The following HMCN1 variants were observed in gnomAD, a reference collection of about 807,000 sequenced individuals.
The protein encoded by HMCN1 is hemicentin 1.
In HMCN1, 321 loss-of-function variants were observed where a neutral mutation model predicts 625.9. The observed-to-expected ratio is 0.51, with a 90% CI of 0.47 to 0.56. The LOEUF (loss-of-function observed/expected upper bound fraction) is 0.56. Among genes scored for constraint, HMCN1 ranks in the 20% least tolerant of loss-of-function variants. The pLI, the probability that HMCN1 is intolerant of heterozygous loss-of-function variation, is 0.00. For synonymous variants in HMCN1, 2,425 were observed against 2,417.6 expected (o/e 1.00, Z -0.09); for missense variants, 6,588 against 6,887.3 (o/e 0.96, Z 1.54).
chr1:186,157,903 G>T (rs533771828), intron 97 of HMCN1, among the ~76,000 whole-genome samples: 3 of 152,058 alleles, frequency 2.0e-5, no homozygotes, highest in African/African-American at 7.2e-5. Context: ...ATAAACATAC[G>T]TGTGCATGTG....
At chr1:185,797,791 C>G (rs1010771133) in intron 1 of HMCN1, among the ~76,000 whole-genome samples, 9 of 139,372 alleles carry the variant, frequency 6.5e-5, no homozygotes, top group Non-Finnish European at 1.2e-4. Flanking sequence ...ACGGTGAAAC[C>G]CCGTCTCTAC....
Position 186,126,005 on chromosome 1 carries a change from G to A in HMCN1, c.12690+211G>A, listed in dbSNP as rs563400446. Among the ~76,000 whole-genome samples the A allele has an allele frequency of 6.6e-5, 10 of 152,030 alleles. No individual in the cohort carries two copies. In the South Asian group the frequency reaches 1.2e-3, roughly 19 times the overall value. On this transcript the variant is annotated intron_variant, in intron 82 of 106. Transcript: ENST00000271588. Reference sequence around the variant, plus strand: ...TAGGAACTCATAAATGCCCTCCTTCGAAAATTATTTTGTGTTTGTGGAAAT... The same window carrying A: ...TAGGAACTCATAAATGCCCTCCTTCAAAAATTATTTTGTGTTTGTGGAAAT...
At chr1:185,886,259 A>G (rs1664644056) in intron 4 of HMCN1, among the ~76,000 whole-genome samples, 1 of 152,066 alleles carries the variant, frequency 6.6e-6, no homozygotes, top group Admixed American at 6.6e-5. Context: ...ACAGAGAAAC[A>G]GAGAGACAGC....
At chr1:185,987,004 G>A (rs919493286) in intron 19 of HMCN1, among the ~76,000 whole-genome samples, 5 of 151,592 alleles carry the variant, frequency 3.3e-5, no homozygotes, top group Non-Finnish European at 7.4e-5. Context: ...ATATGTAGTG[G>A]TTAAACAGCC....
chr1:185,764,438 A>C (rs1655729170), intron 1 of HMCN1, among the ~76,000 whole-genome samples: 1 of 152,150 alleles, frequency 6.6e-6, no homozygotes, highest in East Asian at 1.9e-4. Flanking sequence ...CTATTTTTTT[A>C]GGAAGAGTTG....
At chr1:186,078,929 G>C (rs1658996517) in intron 55 of HMCN1, among the ~76,000 whole-genome samples, 1 of 152,196 alleles carries the variant, frequency 6.6e-6, no homozygotes. Flanking sequence ...TCATGAGAGA[G>C]TTACAAGGAA....
chr1:186,044,557 CTG>C (rs2102247461), intron 40 of HMCN1, among the ~76,000 whole-genome samples: 1 of 152,200 alleles, frequency 6.6e-6, no homozygotes, highest in African/African-American at 2.4e-5. Context: ...AGTATCAAGC[CTG>C]AAACAATGGC....
chr1:186,132,556 G>A (rs1661997822), intron 86 of HMCN1, 147 bp downstream of exon 86: 3 of 695,576 alleles, frequency 4.3e-6, no homozygotes, highest in Non-Finnish European at 7.8e-6. Flanking sequence ...TGATGGAGCA[G>A]TTGTCATCAA....
intron 5 of HMCN1, 82 bp downstream of exon 5, chr1:185,909,590 T>G: frequency 3.4e-6 from 4 of 1,181,368 alleles, no homozygotes; most frequent in Non-Finnish European, 5.0e-6. Flanking sequence ...TTTTGTCAAG[T>G]TAATGCCAAC....
chr1:186,123,350 G>A (rs1571384677), intron 81 of HMCN1, 130 bp downstream of exon 81: 1 of 1,048,242 alleles, frequency 9.5e-7, no homozygotes. Context: ...GTGGGGGTGT[G>A]GTGTGTAGGT....
At chr1:185,751,642 T>C (rs949243783) in intron 1 of HMCN1, among the ~76,000 whole-genome samples, 1 of 152,140 alleles carries the variant, frequency 6.6e-6, no homozygotes, top group Admixed American at 6.6e-5. Context: ...GTATTTTAGA[T>C]CTTCTCATTC....
chr1:185,971,316 A>G (rs1008977525), intron 15 of HMCN1, among the ~76,000 whole-genome samples: 16 of 152,220 alleles, frequency 1.1e-4, no homozygotes, highest in African/African-American at 3.4e-4. Flanking sequence ...ACTACAAAAA[A>G]ATGTCAATCA....
At chr1:186,140,706 T>G (rs576237933) in intron 89 of HMCN1, among the ~76,000 whole-genome samples, 1 of 152,270 alleles carries the variant, frequency 6.6e-6, no homozygotes, top group South Asian at 2.1e-4. Flanking sequence ...TTACTATGAT[T>G]TTTGCAAAAT....
chr1:186,045,990 C>T (rs1363374110), intron 41 of HMCN1, 127 bp downstream of exon 41: 2 of 700,422 alleles, frequency 2.9e-6, no homozygotes, highest in Non-Finnish European at 4.8e-6. Context: ...TTCTAGGAAC[C>T]CTTTTATTGA....
chr1:185,989,415 C>T, intron 20 of HMCN1, 73 bp from the exon 21 acceptor site: 1 of 1,537,950 alleles, frequency 6.5e-7, no homozygotes, highest in Admixed American at 1.7e-5. Context: ...CTCTTCCAGA[C>T]ATTGTCACTC....
chr1:186,041,531 T>A (rs1656206623), intron 40 of HMCN1, among the ~76,000 whole-genome samples: 1 of 152,178 alleles, frequency 6.6e-6, no homozygotes, highest in Admixed American at 6.6e-5. Flanking sequence ...ATCAGCATAT[T>A]TGTGATCAAT....
intron 1 of HMCN1, among the ~76,000 whole-genome samples, chr1:185,778,132 AT>A (rs1204064284): frequency 2.0e-5 from 3 of 152,162 alleles, no homozygotes; most frequent in Admixed American, 2.0e-4. Flanking sequence ...TTCAAAGATA[AT>A]TAGCCCTAAG....
chr1:186,112,891 A>G lies in HMCN1; in HGVS notation c.11069A>G (p.Tyr3690Cys). 2 of 1,614,174 alleles carry G rather than the reference A, an allele frequency of 1.2e-6. No individual in the cohort carries two copies. The highest frequency in any genetic ancestry group is 1.7e-6 in the Non-Finnish European group (2 of 1,179,974). Reference sequence around the variant, plus strand: ...GCTGACCTAGGTGATACAGCCAATTATACCTGTGTTGCCAGCAACATTGCA... The same window carrying G: ...GCTGACCTAGGTGATACAGCCAATTGTACCTGTGTTGCCAGCAACATTGCA... ...NNADLGDTAN[Y>C]TCVASNIAGK... is the part of the protein sequence containing the mutation. The change falls in exon 72 of 107, where the codon TAT (tyrosine) becomes TGT (cysteine). Residue 3690 changes from tyrosine (Y) to cysteine (C), a missense_variant. Coordinates refer to ENST00000271588, the MANE Select transcript of HMCN1 (RefSeq NM_031935.3).
chr1:185,922,936 G>T (rs1188515659), intron 7 of HMCN1, among the ~76,000 whole-genome samples: 4 of 152,080 alleles, frequency 2.6e-5, no homozygotes, highest in Non-Finnish European at 5.9e-5. Context: ...ACATATCATT[G>T]TATTTCAAAG....
Sources: gnomAD v4.1 joint callset for allele counts (sites outside exome capture counted in the v4.1 genomes callset) on GRCh38, gnomAD v4.1.1 for gene constraint, MANE v1.5 for transcripts, NCBI Gene and HGNC (gene_info 2026-07-23, HGNC 2026-07-21) for gene names.